The following RAP1GDS1 variants were observed in gnomAD, a reference collection of about 807,000 sequenced individuals.
The protein encoded by RAP1GDS1 is Rap1 GTPase-GDP dissociation stimulator 1, also known as RAP1, GTP-GDP dissociation stimulator 1.
Under a neutral mutation model 71.1 loss-of-function variants are expected in RAP1GDS1, and 35 were observed. The ratio of observed to expected loss-of-function variants is 0.49; its 90% CI spans 0.38 to 0.65. The LOEUF (loss-of-function observed/expected upper bound fraction) is 0.65. Ranked by LOEUF, RAP1GDS1 falls within the 30% of genes least tolerant of loss-of-function variation. The probability of loss-of-function intolerance (pLI) is 0.00; values close to 1 mark genes in which losing one functional copy is unlikely to be tolerated. For missense variants in RAP1GDS1, 663 were observed against 706.1 expected (o/e 0.94, Z 0.69); for synonymous variants, 229 against 243.1 (o/e 0.94, Z 0.54).
At chr4:98,379,314 GT>G (rs1376763990) in intron 5 of RAP1GDS1, 151 bp downstream of exon 5, 7 of 867,520 alleles carry the variant, frequency 8.1e-6, no homozygotes, top group Non-Finnish European at 1.1e-5. Flanking sequence ...AAATTTCAAT[GT>G]TTCAAAAATG....
chr4:98,311,596 A>G (rs116472341), intron 2 of RAP1GDS1, among the ~76,000 whole-genome samples: 227 of 152,296 alleles, frequency 1.5e-3, no homozygotes, highest in African/African-American at 5.3e-3. Context: ...TCACAGATAC[A>G]TATGATAAGA....
intron 5 of RAP1GDS1, among the ~76,000 whole-genome samples, chr4:98,390,749 TA>T (rs1052721164): frequency 2.0e-5 from 3 of 151,976 alleles, no homozygotes; most frequent in Admixed American, 6.6e-5. Context: ...TAAAGAGTAA[TA>T]AAAAAAATTA....
chr4:98,391,316 CT>C, intron 5 of RAP1GDS1, among the ~76,000 whole-genome samples: 1 of 152,208 alleles, frequency 6.6e-6, no homozygotes, highest in South Asian at 2.1e-4. Flanking sequence ...ACTTTCCTCT[CT>C]CTTACTGAGA....
chr4:98,289,554 C>CAAAAAAAAAA (rs6148589), intron 1 of RAP1GDS1, among the ~76,000 whole-genome samples: 98 of 101,936 alleles, frequency 9.6e-4, no homozygotes, highest in Non-Finnish European at 1.2e-3. Context: ...CTCTGGTAAA[C>CAAAAAAAAAA]AAAAAAAAAA....
At chr4:98,297,805 T>C (rs1727999086) in intron 2 of RAP1GDS1, among the ~76,000 whole-genome samples, 4 of 152,180 alleles carry the variant, frequency 2.6e-5, no homozygotes, top group African/African-American at 9.7e-5. Context: ...TCTCTCACTT[T>C]ATATCACAAG....
intron 7 of RAP1GDS1, among the ~76,000 whole-genome samples, chr4:98,413,797 T>C (rs2110175297): frequency 6.6e-6 from 1 of 152,298 alleles, no homozygotes; most frequent in African/African-American, 2.4e-5. Context: ...ATCGCCACAC[T>C]GACTTCCACA....
At chr4:98,339,935 A>G (rs996146928) in intron 2 of RAP1GDS1, among the ~76,000 whole-genome samples, 11 of 151,928 alleles carry the variant, frequency 7.2e-5, no homozygotes, top group African/African-American at 2.4e-4. Context: ...TAGAACTACC[A>G]TTCTACCCAA....
rs1325634320 is a variant in RAP1GDS1, at chr4:98,416,882, C to G, written c.901C>G (p.Leu301Val). The change falls in exon 8 of 15, where the codon CTT becomes GTT. Residue 301 changes from leucine to valine, a missense_variant. Coordinates refer to ENST00000408927, the MANE Select transcript of RAP1GDS1 (RefSeq NM_001100427.2). Reference sequence around the variant, plus strand: ...TTCAGATCTCATGGTTTTATTACTTCTTGGAGGTGAGTTGTAATTTATGCC... The same window carrying G: ...TTCAGATCTCATGGTTTTATTACTTGTTGGAGGTGAGTTGTAATTTATGCC... ...TGSDLMVLLLLGDESMQKLFE... is the reference protein window; with the variant it reads ...TGSDLMVLLLVGDESMQKLFE... 1 of 1,610,984 alleles carries G rather than the reference C, an allele frequency of 6.2e-7. No homozygotes were observed. Among genetic ancestry groups the G allele is most frequent in the Admixed American group, 1.7e-5 (1 of 59,000 alleles).
chr4:98,327,278 A>C (rs951395323), intron 2 of RAP1GDS1, among the ~76,000 whole-genome samples: 1 of 152,206 alleles, frequency 6.6e-6, no homozygotes, highest in Non-Finnish European at 1.5e-5. Context: ...ATGATAAACT[A>C]TGCATGTTTC....
intron 1 of RAP1GDS1, among the ~76,000 whole-genome samples, chr4:98,274,877 C>T (rs1164014499): frequency 6.6e-6 from 1 of 152,134 alleles, no homozygotes; most frequent in African/African-American, 2.4e-5. Context: ...TAGTTATTCT[C>T]ACTGAAAGGT....
intron 5 of RAP1GDS1, among the ~76,000 whole-genome samples, chr4:98,383,338 A>G (rs2110111737): frequency 6.6e-6 from 1 of 151,642 alleles, no homozygotes; most frequent in Admixed American, 6.6e-5. Context: ...CAGGAAAGGA[A>G]AAAGTATCTT....
chr4:98,290,116 A>G (rs1252189099), intron 1 of RAP1GDS1, among the ~76,000 whole-genome samples: 1 of 152,154 alleles, frequency 6.6e-6, no homozygotes, highest in East Asian at 1.9e-4. Flanking sequence ...GTCCAAAGAT[A>G]ACAAACACAT....
At position 98,416,812 on chromosome 4, in the gene RAP1GDS1, A is replaced by C; in HGVS notation, c.831A>C (p.Lys277Asn). Residue 277 changes from lysine to asparagine, a missense_variant, in exon 8 of 15, where the codon AAA becomes AAC. Transcript: ENST00000408927. ...VECLLEIVQQ[K>N]VDSDKEDDIT... ...GTCTACTAGAGATTGTTCAGCAAAAAGTGGATAGTGACAAAGAAGATGATA... is the reference window on the plus strand; with the variant it reads ...GTCTACTAGAGATTGTTCAGCAAAACGTGGATAGTGACAAAGAAGATGATA... 1 of 1,613,646 alleles carries C rather than the reference A, an allele frequency of 6.2e-7. No homozygotes were observed.
chr4:98,407,744 C>CA (rs1164433458), intron 7 of RAP1GDS1, among the ~76,000 whole-genome samples: 1 of 152,050 alleles, frequency 6.6e-6, no homozygotes, highest in East Asian at 1.9e-4. Flanking sequence ...ATTCAGATGA[C>CA]AGATGACCTA....
At chr4:98,325,385 C>G (rs1732842844) in intron 2 of RAP1GDS1, among the ~76,000 whole-genome samples, 1 of 150,842 alleles carries the variant, frequency 6.6e-6, no homozygotes, top group Admixed American at 6.6e-5. Context: ...GGATCTAGAA[C>G]TAGAAATACC....
At position 98,303,627 on chromosome 4, in the gene RAP1GDS1, A is replaced by AATAATATAATATAATATAAT. The variant is rs3048386; in HGVS notation, c.112+10133_112+10152dup. Among the ~76,000 whole-genome samples, 800 of 141,302 alleles carry AATAATATAATATAATATAAT rather than the reference A, an allele frequency of 5.7e-3. 3 individuals carry two copies. Among genetic ancestry groups the AATAATATAATATAATATAAT allele is most frequent in the African/African-American group, 6.1e-3 (237 of 38,676 alleles). The allele number at this position is 141,302 out of a possible 152,430, so 92.7% of individuals were successfully genotyped here. A position where few individuals can be genotyped will look rare whatever the true frequency, so the allele number is the denominator to read the frequency against. The stretch of plus-strand genomic sequence containing the variant: ...AGAAGAAAATAATAAGTAAATTAAT[A>AATAATATAATATAATATAAT]ATAATATAATATAATATAATATAAT... On this transcript the variant is annotated intron_variant, in intron 2 of 14. Coordinates refer to ENST00000408927, the MANE Select transcript of RAP1GDS1 (RefSeq NM_001100427.2).
chr4:98,319,717 G>A (rs1475950605), intron 2 of RAP1GDS1, among the ~76,000 whole-genome samples: 2 of 147,812 alleles, frequency 1.4e-5, no homozygotes, highest in African/African-American at 5.0e-5. Flanking sequence ...GTAGGCGAAG[G>A]TTTCAGTGAG....
intron 13 of RAP1GDS1, among the ~76,000 whole-genome samples, chr4:98,434,861 TCCAC>T (rs1380384934): frequency 6.6e-6 from 1 of 152,100 alleles, no homozygotes; most frequent in African/African-American, 2.4e-5. Context: ...CCTCAAGTGA[TCCAC>T]CCACCTCAGC....
chr4:98,324,847 G>A (rs1297664683), intron 2 of RAP1GDS1, among the ~76,000 whole-genome samples: 2 of 152,038 alleles, frequency 1.3e-5, no homozygotes, highest in Non-Finnish European at 2.9e-5. Context: ...TTACCATTCA[G>A]TACATAAGCG....
Sources: allele counts gnomAD v4.1 joint callset (sites outside exome capture counted in the v4.1 genomes callset), GRCh38; gene constraint gnomAD v4.1.1; transcripts MANE v1.5; gene names NCBI Gene and HGNC (gene_info 2026-07-23, HGNC 2026-07-21).